Variants in RYR3 observed in about 807,000 individuals in gnomAD.
RYR3 encodes the protein brain ryanodine receptor-calcium release channel.
In RYR3, 207 loss-of-function variants were observed where a neutral mutation model predicts 584.3. The ratio of observed to expected loss-of-function variants is 0.35; its 90% confidence interval spans 0.32 to 0.40. The LOEUF is 0.40. Among genes scored for constraint, RYR3 ranks in the 10% least tolerant of loss-of-function variants. RYR3 has a pLI of 1.00. For synonymous variants in RYR3, 2,416 were observed against 2,248.5 expected, an observed-to-expected ratio of 1.07 and a Z score of -2.11; for missense variants, 5,616 against 6,089.2, an observed-to-expected ratio of 0.92 and a Z score of 2.59.
At chr15:33,559,034 T>G (rs1276815557) in intron 10 of RYR3, among the ~76,000 whole-genome samples, 1 of 152,140 alleles carries the variant, frequency 6.6e-6, no homozygotes, top group Non-Finnish European at 1.5e-5. Context: ...GAGTTGCTAT[T>G]AGTTGTCTGG....
intron 94 of RYR3, 133 bp from the exon 95 acceptor site, chr15:33,852,912 T>A: frequency 1.4e-6 from 1 of 736,848 alleles, no homozygotes; most frequent in East Asian, 2.8e-5. Context: ...TTCAATCAGA[T>A]CTTAAAATTC....
rs77660978 is a variant in RYR3 at position 33,596,495 on chromosome 15, T to G, written c.1789-4924T>G. 7.8e-3 allele frequency among the ~76,000 whole-genome samples: 1,042 copies of G among 133,842 alleles called. 18 individuals are homozygous for G. Among genetic ancestry groups the G allele is most frequent in the African/African-American group, 0.027 (964 of 35,542 alleles). 87.8% of individuals were successfully genotyped at this position (133,842 alleles called of 152,430 possible). ...GACCAACTCAATATTGTTCTTTTTT[T>G]GGGGGGGGGGGATTTCTGACTTCTT... On this transcript the variant is annotated intron_variant, in intron 16 of 103. Transcript: ENST00000634891.
At chr15:33,675,767 T>C (rs549835364) in intron 38 of RYR3, among the ~76,000 whole-genome samples, 1 of 152,362 alleles carries the variant, frequency 6.6e-6, no homozygotes, top group South Asian at 2.1e-4. Flanking sequence ...TTGGCTATCG[T>C]TTGTTGATTA....
chr15:33,514,897 G>T (rs936598542), intron 3 of RYR3, among the ~76,000 whole-genome samples: 1 of 152,048 alleles, frequency 6.6e-6, no homozygotes, highest in African/African-American at 2.4e-5. Flanking sequence ...CCAGCTACTT[G>T]GGAGGCTGAG....
intron 3 of RYR3, among the ~76,000 whole-genome samples, chr15:33,524,067 T>C (rs1293956752): frequency 1.3e-5 from 2 of 152,156 alleles, no homozygotes. Flanking sequence ...AAAATACTTT[T>C]AAAATGCTCG....
At chr15:33,394,997 T>G (rs2042217016) in intron 1 of RYR3, among the ~76,000 whole-genome samples, 1 of 152,134 alleles carries the variant, frequency 6.6e-6, no homozygotes, top group Non-Finnish European at 1.5e-5. Flanking sequence ...TTAGAGGGTC[T>G]GACTTAATTG....
chr15:33,312,343 G>A (rs1357304235), intron 1 of RYR3, among the ~76,000 whole-genome samples: 1 of 147,302 alleles, frequency 6.8e-6, no homozygotes, highest in East Asian at 2.0e-4. Context: ...TCCAAACATG[G>A]TTCTTTTGTC....
chr15:33,420,886 G>A (rs749734110), intron 1 of RYR3, among the ~76,000 whole-genome samples: 29 of 152,046 alleles, frequency 1.9e-4, no homozygotes, highest in Non-Finnish European at 3.7e-4. Context: ...CTGCTGTGAT[G>A]GTAAGCAGTC....
intron 2 of RYR3, among the ~76,000 whole-genome samples, chr15:33,493,020 A>G (rs1001610263): frequency 6.6e-6 from 1 of 152,170 alleles, no homozygotes; most frequent in Non-Finnish European, 1.5e-5. Flanking sequence ...TGGAATGGGA[A>G]AGGAATACAT....
rs1417687513 is a variant in RYR3 at position 33,820,762 on chromosome 15, C to G, written c.10765C>G (p.Gln3589Glu). 1.2e-6 allele frequency: 2 copies of G among 1,605,514 alleles called. No individual in the cohort carries two copies. The highest frequency in any genetic ancestry group is 4.5e-5 in the East Asian group (2 of 44,746). ...CCTGCTCCATGAAATCCAGAGTTGT[C>G]AAAGTGGTGAGGATGAAGAAGAAGA... ...SYSSMMAKSCQSGEDEEEDED... is the reference protein window; with the variant it reads ...SYSSMMAKSCESGEDEEEDED... The change falls in exon 78 of 104, where the codon CAA (glutamine) becomes GAA (glutamate). Residue 3589 changes from glutamine to glutamate, a missense_variant. Gln to Glu is a conservative substitution (Grantham distance 29, BLOSUM62 2). Around this residue, in one of 9 missense-constraint regions of RYR3, gnomAD observed 954 missense variants for 1,132.2 expected, o/e 0.84. Transcript: ENST00000634891.
At chr15:33,313,652 C>G (rs762200779) in intron 1 of RYR3, among the ~76,000 whole-genome samples, 2 of 152,066 alleles carry the variant, frequency 1.3e-5, no homozygotes, top group Non-Finnish European at 2.9e-5. Flanking sequence ...CAGACAACAC[C>G]TTTAAAAGCA....
chr15:33,681,809 A>C (rs1161337329), intron 38 of RYR3, among the ~76,000 whole-genome samples: 1 of 152,180 alleles, frequency 6.6e-6, no homozygotes, highest in Non-Finnish European at 1.5e-5. Flanking sequence ...TGATTGGATG[A>C]CTTTTTCTTC....
chr15:33,597,777 C>G (rs982600095), intron 16 of RYR3, among the ~76,000 whole-genome samples: 1 of 151,680 alleles, frequency 6.6e-6, no homozygotes, highest in African/African-American at 2.4e-5. Context: ...ATTTTTTAAG[C>G]CAATTATTTA....
intron 38 of RYR3, among the ~76,000 whole-genome samples, chr15:33,681,866 G>A (rs770977328): frequency 9.2e-5 from 14 of 152,146 alleles, no homozygotes; most frequent in East Asian, 3.8e-4. Context: ...CAACACCAGC[G>A]TAGGTTTGAG....
In RYR3 at chr15:33,722,885, A is replaced by G. The variant is rs2068052454; in HGVS notation, c.6790A>G (p.Lys2264Glu). The G allele has an allele frequency of 6.4e-7, 1 of 1,574,730 alleles. No individual in the cohort carries two copies. Among genetic ancestry groups the G allele is most frequent in the Admixed American group, 2.0e-5 (1 of 49,566 alleles). ...PALDLPSQGYKREVSTGDDEE... is the reference protein window; with the variant it reads ...PALDLPSQGYEREVSTGDDEE... ...GCTCGACCTCCCCTCTCAAGGATAC[A>G]AAAGAGAAGTGTAAGTGAATGGAAT... Residue 2264 changes from lysine (K) to glutamate (E), a missense_variant, in exon 44 of 104, where the codon AAA (lysine) becomes GAA (glutamate). Coordinates refer to ENST00000634891, the MANE Select transcript of RYR3 (RefSeq NM_001036.6).
At chr15:33,404,585 G>GTTT (rs200311525) in intron 1 of RYR3, among the ~76,000 whole-genome samples, 23 of 127,780 alleles carry the variant, frequency 1.8e-4, no homozygotes, top group Non-Finnish European at 2.8e-4. Flanking sequence ...ATTTACTACT[G>GTTT]TGTGTTTTTT....
chr15:33,330,047 G>T (rs1970192513), intron 1 of RYR3, among the ~76,000 whole-genome samples: 1 of 152,068 alleles, frequency 6.6e-6, no homozygotes, highest in Non-Finnish European at 1.5e-5. Context: ...CAGGCCTAGG[G>T]CACTCTGGGC....
At position 33,812,625 on chromosome 15, in the gene RYR3, C is replaced by G. The variant is rs551255306; in HGVS notation, c.10258-238C>G. 1.2e-4 allele frequency among the ~76,000 whole-genome samples: 18 copies of G among 152,080 alleles called. No homozygotes were observed. The South Asian group carries it at 3.5e-3, about 30-fold the overall frequency. ...TGCTTTAAGGAAATCATCCAAAATG[C>G]AACACAGAGAGATGACGAGATAGAA... On this transcript the variant is annotated intron_variant, in intron 72 of 103. Transcript: ENST00000634891.
intron 10 of RYR3, among the ~76,000 whole-genome samples, chr15:33,553,899 A>G (rs1567521241): frequency 6.6e-6 from 1 of 152,132 alleles, no homozygotes; most frequent in Non-Finnish European, 1.5e-5. Flanking sequence ...CTGCCCTTCC[A>G]TTGCGTCTCT....
Sources: gnomAD v4.1 joint callset for allele counts (sites outside exome capture counted in the v4.1 genomes callset) on GRCh38, gnomAD v4.1.1 for gene constraint, gnomAD v4.1.1 regional missense constraint, MANE v1.5 for transcripts, NCBI Gene and HGNC (gene_info 2026-07-23, HGNC 2026-07-21) for gene names.